DYM: variants seen among roughly 807,000 people sequenced by gnomAD.
DYM encodes the protein dymeclin.
DYM carries 78 observed loss-of-function variants against 93.1 expected under a neutral mutation model. That is an observed-to-expected ratio of 0.84 (90% CI 0.70 to 1.01). The LOEUF is 1.01. DYM is among the 50% of genes least tolerant of loss of function. The pLI, the probability that DYM is intolerant of heterozygous loss-of-function variation, is 0.00. For synonymous variants in DYM, 321 were observed against 319.7 expected (o/e 1.00, Z -0.04); for missense variants, 789 against 845.0 (o/e 0.93, Z 0.82).
chr18:49,258,475 A>C lies in DYM; in HGVS notation c.1270T>G (p.Trp424Gly). 1 of 1,609,286 alleles carries C rather than the reference A, an allele frequency of 6.2e-7. No individual in the cohort carries two copies. Among genetic ancestry groups the C allele is most frequent in the South Asian group, 1.1e-5 (1 of 90,982 alleles). ...IHEVILKNIT[W>G]YSERVLTEIS... Reference sequence around the variant, plus strand: ...TCAGTTAAAACTCGTTCTGAATACCAAGTAATATTTTTTAGTATCTGTAAT... The same window carrying C: ...TCAGTTAAAACTCGTTCTGAATACCCAGTAATATTTTTTAGTATCTGTAAT... The change falls in exon 12 of 18, where the codon TGG becomes GGG. Residue 424 changes from tryptophan to glycine, a missense_variant. Coordinates refer to ENST00000675505, the MANE Select transcript of DYM (RefSeq NM_001353214.3).
At chr18:49,439,294 AACCTTTCAAAGG>A (rs1228385438) in intron 1 of DYM, among the ~76,000 whole-genome samples, 2 of 152,154 alleles carry the variant, frequency 1.3e-5, no homozygotes, top group Non-Finnish European at 2.9e-5. Flanking sequence ...TTTAGTAGTA[AACCTTTCAAAGG>A]ACCTATCTTC....
At chr18:49,047,230 C>A (rs1250124023) in intron 17 of DYM, among the ~76,000 whole-genome samples, 1 of 152,234 alleles carries the variant, frequency 6.6e-6, no homozygotes, top group Non-Finnish European at 1.5e-5. Flanking sequence ...CCCTGCACCC[C>A]CACACTGCAG....
chr18:49,233,029 C>T (rs1430974459), intron 13 of DYM, among the ~76,000 whole-genome samples: 1 of 152,060 alleles, frequency 6.6e-6, no homozygotes, highest in African/African-American at 2.4e-5. Flanking sequence ...TGGTTACAAA[C>T]TGTGGGGGTG....
In DYM at chr18:49,289,794, C is replaced by CATAT. The variant is rs1379601314; in HGVS notation, c.764-3182_764-3179dup. On this transcript the variant is annotated intron_variant, in intron 8 of 17. Coordinates refer to ENST00000675505, the MANE Select transcript of DYM (RefSeq NM_001353214.3). Reference sequence around the variant, plus strand: ...ATATACACATATATATATATACACACATATATATATATATACACATATATA... The same window carrying CATAT: ...ATATACACATATATATATATACACACATATATATATATATATATACACATATATA... Among the ~76,000 whole-genome samples, 193 of 68,830 alleles carry CATAT rather than the reference C, an allele frequency of 2.8e-3. 2 individuals carry two copies. The highest frequency in any genetic ancestry group is 4.7e-3 in the South Asian group (11 of 2,330). 45.2% of individuals were successfully genotyped at this position (68,830 alleles called of 152,430 possible). A position where few individuals can be genotyped will look rare whatever the true frequency, so the allele number is the denominator to read the frequency against.
At chr18:49,135,816 G>A (rs1332230446) in intron 15 of DYM, among the ~76,000 whole-genome samples, 1 of 152,116 alleles carries the variant, frequency 6.6e-6, no homozygotes, top group African/African-American at 2.4e-5. Flanking sequence ...CTAAACTCTG[G>A]TTAATCTCCT....
chr18:49,123,808 C>T (rs971789392), intron 15 of DYM, among the ~76,000 whole-genome samples: 6 of 152,188 alleles, frequency 3.9e-5, no homozygotes, highest in Non-Finnish European at 7.3e-5. Context: ...ATTTGCTTCT[C>T]ATTTTGGTAT....
At chr18:49,218,933 C>CA (rs1417784246) in intron 13 of DYM, among the ~76,000 whole-genome samples, 15 of 152,078 alleles carry the variant, frequency 9.9e-5, no homozygotes, top group East Asian at 7.7e-4. Context: ...AATAGAGACA[C>CA]AAAAAACCCT....
At chr18:49,123,797 T>C (rs1015124010) in intron 15 of DYM, among the ~76,000 whole-genome samples, 2 of 152,242 alleles carry the variant, frequency 1.3e-5, no homozygotes, top group East Asian at 3.8e-4. Context: ...CTCTGAATTA[T>C]ATTTGCTTCT....
intron 16 of DYM, among the ~76,000 whole-genome samples, chr18:49,117,596 G>T (rs192920158): frequency 5.9e-5 from 9 of 152,070 alleles, no homozygotes; most frequent in Admixed American, 2.0e-4. Flanking sequence ...TTTCTTGGTT[G>T]TATGTTGCAA....
intron 15 of DYM, among the ~76,000 whole-genome samples, chr18:49,135,574 G>A (rs564905790): frequency 6.6e-6 from 1 of 152,156 alleles, no homozygotes; most frequent in East Asian, 1.9e-4. Context: ...ACTAGTAAAA[G>A]CAATGGTAAT....
At chr18:49,305,709 G>A (rs2061234148) in intron 8 of DYM, among the ~76,000 whole-genome samples, 1 of 152,144 alleles carries the variant, frequency 6.6e-6, no homozygotes, top group Non-Finnish European at 1.5e-5. Context: ...GTACAAATAT[G>A]TAAAAATTTC....
rs1383715375 is a variant in DYM at position 49,041,763 on chromosome 18, AG to A, written c.*2291del. ...CAGTGAGCCCAGAGGCCTGGAGGAG[AG>A]GCTGTATGATTCCCCAGTCAGGCCT... On this transcript the variant is annotated 3_prime_UTR_variant, in exon 18 of 18. Coordinates refer to ENST00000675505, the MANE Select transcript of DYM (RefSeq NM_001353214.3). The A allele has an allele frequency of 6.6e-6, 1 of 152,162 alleles. No homozygotes were observed. Among genetic ancestry groups the A allele is most frequent in the Non-Finnish European group, 1.5e-5 (1 of 68,036 alleles). 9.4% of individuals were successfully genotyped at this position (152,162 alleles called of 1,614,324 possible).
At chr18:49,255,266 A>C (rs369572176) in intron 13 of DYM, among the ~76,000 whole-genome samples, 29 of 152,328 alleles carry the variant, frequency 1.9e-4, no homozygotes, top group African/African-American at 6.5e-4. Flanking sequence ...GGTCAAAACC[A>C]CATGCCCAGA....
At chr18:49,336,717 T>C (rs961231303) in intron 6 of DYM, among the ~76,000 whole-genome samples, 5 of 152,032 alleles carry the variant, frequency 3.3e-5, no homozygotes, top group Non-Finnish European at 5.9e-5. Context: ...CATCAACAAA[T>C]AGACAAGGCT....
At chr18:49,084,874 T>C (rs1434949156) in intron 17 of DYM, among the ~76,000 whole-genome samples, 1 of 152,176 alleles carries the variant, frequency 6.6e-6, no homozygotes. Flanking sequence ...ACGCAGATGG[T>C]AAAATTATGA....
At chr18:49,272,751 T>C (rs1305542912) in intron 10 of DYM, among the ~76,000 whole-genome samples, 1 of 152,148 alleles carries the variant, frequency 6.6e-6, no homozygotes, top group Non-Finnish European at 1.5e-5. Flanking sequence ...TAAATAAATA[T>C]GTAATTAGAC....
chr18:49,443,436 A>G (rs958185247), intron 1 of DYM, among the ~76,000 whole-genome samples: 2 of 152,296 alleles, frequency 1.3e-5, no homozygotes, highest in East Asian at 1.9e-4. Context: ...TTGCCATACT[A>G]TAACTATTTT....
At chr18:49,243,387 G>C (rs912895192) in intron 13 of DYM, among the ~76,000 whole-genome samples, 1 of 152,120 alleles carries the variant, frequency 6.6e-6, no homozygotes, top group Non-Finnish European at 1.5e-5. Flanking sequence ...TGTTAGGGCT[G>C]GGCGTGGTGG....
chr18:49,086,688 T>G, intron 17 of DYM, among the ~76,000 whole-genome samples: 1 of 152,066 alleles, frequency 6.6e-6, no homozygotes, highest in East Asian at 1.9e-4. Context: ...AGGGGATTAG[T>G]GCCCTCAAAA....
Sources: gnomAD v4.1 joint callset for allele counts (sites outside exome capture counted in the v4.1 genomes callset) on GRCh38, gnomAD v4.1.1 for gene constraint, MANE v1.5 for transcripts, NCBI Gene and HGNC (gene_info 2026-07-23, HGNC 2026-07-21) for gene names.